STAT1: variants seen among roughly 807,000 people sequenced by gnomAD.
STAT1 encodes the protein signal transducer and activator of transcription 1-alpha/beta.
A neutral mutation model predicts 111.7 loss-of-function variants in STAT1; 24 were observed. That is an observed-to-expected ratio of 0.21 (90% CI 0.16 to 0.30). STAT1 has a LOEUF of 0.30. STAT1 is among the 10% of genes least tolerant of loss of function. The pLI is 1.00. For missense variants in STAT1, 351 were observed against 911.9 expected (o/e 0.38, Z 7.92); for synonymous variants, 332 against 326.5 (o/e 1.02, Z -0.18).
chr2:190,983,385 T>A lies in STAT1; in HGVS notation c.1446+257A>T, dbSNP rs1371601455. 6.6e-6 allele frequency among the ~76,000 whole-genome samples: 1 copy of A among 152,214 alleles called. No homozygotes were observed. The highest frequency in any genetic ancestry group is 1.5e-5 in the Non-Finnish European group (1 of 68,030). ...GCTTGTTTAGTAGATGTATACATTT[T>A]AAAAATAATAACAATAAAGTGGTAT... On this transcript the variant is annotated intron_variant, in intron 17 of 24. Transcript: ENST00000361099. The surrounding 1 kb of genome is among the most constrained non-coding windows in gnomAD (Gnocchi z 5.7).
rs1306340466 is a variant in STAT1 at position 190,986,122 on chromosome 2, T to C, written c.1222-462A>G. ...CAGGCTGGGGCCCTGAGGGCGGCTC[T>C]GAATACCCTCAGGCACCTGAGTTGG... is the stretch of plus-strand genomic sequence containing the variant. On this transcript the variant is annotated intron_variant, in intron 14 of 24. Coordinates refer to ENST00000361099, the MANE Select transcript of STAT1 (RefSeq NM_007315.4). The surrounding 1 kb of genome is among the most constrained non-coding windows in gnomAD (Gnocchi z 5.0). Among the ~76,000 whole-genome samples the C allele has an allele frequency of 6.6e-6, 1 of 152,206 alleles. No individual in the cohort carries two copies. Among genetic ancestry groups the C allele is most frequent in the African/African-American group, 2.4e-5 (1 of 41,448 alleles).
chr2:191,010,344 A>G (rs1225892207), intron 2 of STAT1: 4 of 474,192 alleles, frequency 8.4e-6, no homozygotes, highest in Admixed American at 2.3e-5. Context: ...TCTTCATAGT[A>G]CTTACACCAC....
In STAT1 at chr2:190,975,996, C is replaced by T; in HGVS notation, c.2060-109G>A. 1 of 990,946 alleles carries T rather than the reference C, an allele frequency of 1.0e-6. No individual in the cohort carries two copies. The highest frequency in any genetic ancestry group is 1.6e-6 in the Non-Finnish European group (1 of 636,888). The allele number at this position is 990,946 out of a possible 1,614,324, so 61.4% of individuals were successfully genotyped here. A position where few individuals can be genotyped will look rare whatever the true frequency, so the allele number is the denominator to read the frequency against. Reference sequence around the variant, plus strand: ...TCTACTGTGTTTCTAGACAGCTTAGCCTCCTAAAACTTTAAGGAGCTATAA... The same window carrying T: ...TCTACTGTGTTTCTAGACAGCTTAGTCTCCTAAAACTTTAAGGAGCTATAA... On this transcript the variant is annotated intron_variant, in intron 22 of 24. Transcript: ENST00000361099. This position sits in a 1 kb window ranked among gnomAD's most constrained non-coding sequence, Gnocchi z 5.9.
Position 190,970,861 on chromosome 2 carries a change from C to T in STAT1, c.2239-144G>A, listed in dbSNP as rs866282645. The T allele has an allele frequency of 1.8e-5, 14 of 773,368 alleles. No individual in the cohort carries two copies. In the East Asian group the frequency reaches 3.7e-4, roughly 20 times the overall value. The allele number at this position is 773,368 out of a possible 1,614,324, so 47.9% of individuals were successfully genotyped here. A position where few individuals can be genotyped will look rare whatever the true frequency, so the allele number is the denominator to read the frequency against. On this transcript the variant is annotated intron_variant, in intron 24 of 24. Transcript: ENST00000361099. The surrounding 1 kb of genome is among the most constrained non-coding windows in gnomAD (Gnocchi z 5.4). ...AAATAAATACCGTGGAATAAGAGGG[C>T]CTTCAGCATGTACTATGTATTATCC...
rs964923363 is a variant in STAT1, at chr2:190,975,424, A to T, written c.2135+388T>A. 106 of 722,976 alleles carry T rather than the reference A, an allele frequency of 1.5e-4. No homozygotes were observed. The highest frequency in any genetic ancestry group is 2.2e-4 in the Non-Finnish European group (102 of 453,928). The allele number at this position is 722,976 out of a possible 1,614,324, so 44.8% of individuals were successfully genotyped here. The stretch of plus-strand genomic sequence containing the variant: ...AATAACTGACAATGACATTTCCAAA[A>T]TTTTTTCTACCTTTTATAAAATGAA... On this transcript the variant is annotated intron_variant, in intron 23 of 24. Transcript: ENST00000361099. This position sits in a 1 kb window ranked among gnomAD's most constrained non-coding sequence, Gnocchi z 5.9.
rs946476116 is a variant in STAT1, at chr2:190,986,758, G to A, written c.1221+96C>T. 4.2e-6 allele frequency: 5 copies of A among 1,183,072 alleles called. No individual in the cohort carries two copies. The highest frequency in any genetic ancestry group is 2.6e-4 in the Middle Eastern group (1 of 3,784). The allele number at this position is 1,183,072 out of a possible 1,614,324, so 73.3% of individuals were successfully genotyped here. A position where few individuals can be genotyped will look rare whatever the true frequency, so the allele number is the denominator to read the frequency against. On this transcript the variant is annotated intron_variant, in intron 14 of 24. Coordinates refer to ENST00000361099, the MANE Select transcript of STAT1 (RefSeq NM_007315.4). This position sits in a 1 kb window ranked among gnomAD's most constrained non-coding sequence, Gnocchi z 5.0. ...AAAGTCTACAAACCCCAGCAGGGGG[G>A]CGTCCTCCACATGGCAATGTGCCAA... is the stretch of plus-strand genomic sequence containing the variant.
In STAT1 at chr2:190,986,712, C is replaced by T. The variant is rs41427447; in HGVS notation, c.1221+142G>A. ...GAAACCAAAATGCCCCAAGTACTGG[C>T]GACAGGAAGACACCAGCCACAAAGT... On this transcript the variant is annotated intron_variant, in intron 14 of 24. Transcript: ENST00000361099. This position sits in a 1 kb window ranked among gnomAD's most constrained non-coding sequence, Gnocchi z 5.0. The T allele has an allele frequency of 2.2e-3, 1,799 of 800,146 alleles. 23 individuals carry two copies. The African/African-American group carries it at 0.024, about 11-fold the overall frequency. The allele number at this position is 800,146 out of a possible 1,614,324, so 49.6% of individuals were successfully genotyped here.
In STAT1 at chr2:191,001,080, C is replaced by T. The variant is rs1347679305; in HGVS notation, c.456G>A (p.Lys152=). Residue 152 remains lysine, a synonymous_variant, in exon 6 of 25, where the codon AAG becomes AAA. Transcript: ENST00000361099. ...LDSKVRNVKD[K]VMCIEHEIKS... ...GTGTTTACTCAATACTCACCATAAC[C>T]TTGTCCTTCACATTTCTGACTTTAC... The T allele has an allele frequency of 6.2e-7, 1 of 1,612,384 alleles. No homozygotes were observed. Among genetic ancestry groups the T allele is most frequent in the African/African-American group, 1.3e-5 (1 of 74,904 alleles).
At position 190,969,733 on chromosome 2, in the gene STAT1, T is replaced by C. The variant is rs1200907242; in HGVS notation, c.*970A>G. ...CTGGTGTATTATTCAAGTTGTCAGT[T>C]ACTGCTTTTTCTACTCCTTTCCCAA... On this transcript the variant is annotated 3_prime_UTR_variant, in exon 25 of 25. Transcript: ENST00000361099. The C allele has an allele frequency of 6.6e-6, 1 of 152,236 alleles. No individual in the cohort carries two copies. Among genetic ancestry groups the C allele is most frequent in the Non-Finnish European group, 1.5e-5 (1 of 68,014 alleles). 9.4% of individuals were successfully genotyped at this position (152,236 alleles called of 1,614,324 possible). A position where few individuals can be genotyped will look rare whatever the true frequency, so the allele number is the denominator to read the frequency against.
chr2:190,992,784 G>T, intron 10 of STAT1: 1 of 569,848 alleles, frequency 1.8e-6, no homozygotes, highest in African/African-American at 2.0e-5. Context: ...TACATTCATT[G>T]CATTCTTTCT....
At position 190,995,077 on chromosome 2, in the gene STAT1, G is replaced by C. The variant is rs1265924959; in HGVS notation, c.928C>G (p.Gln310Glu). The C allele has an allele frequency of 6.2e-7, 1 of 1,613,686 alleles. No individual in the cohort carries two copies. The highest frequency in any genetic ancestry group is 1.3e-5 in the African/African-American group (1 of 74,802). The stretch of plus-strand genomic sequence containing the variant: ...TTGAGTTACCTCTGAATGAGCTGCT[G>C]GAAAAGACTGAAGGTGCGGTCCCAT... ...VLWDRTFSLF[Q>E]QLIQSSFVVE... is the part of the protein sequence containing the mutation. The change falls in exon 10 of 25, where the codon CAG (glutamine) becomes GAG (glutamate). Residue 310 changes from glutamine to glutamate, a missense_variant. Gln to Glu is a conservative substitution (Grantham distance 29). Around this residue, in one of 7 missense-constraint regions of STAT1, gnomAD observed 23 missense variants for 123.1 expected, o/e 0.19. Coordinates refer to ENST00000361099, the MANE Select transcript of STAT1 (RefSeq NM_007315.4). This position sits in a 1 kb window ranked among gnomAD's most constrained non-coding sequence, Gnocchi z 4.2.
Position 190,993,141 on chromosome 2 carries a change from C to T in STAT1, c.945-1821G>A. Reference sequence around the variant, plus strand: ...AAAAACAGAATTCCAAGGGAATCAGCAAATTCCTTGGCTGTTGTGTAGTCT... The same window carrying T: ...AAAAACAGAATTCCAAGGGAATCAGTAAATTCCTTGGCTGTTGTGTAGTCT... On this transcript the variant is annotated intron_variant, in intron 10 of 24. Coordinates refer to ENST00000361099, the MANE Select transcript of STAT1 (RefSeq NM_007315.4). This position sits in a 1 kb window ranked among gnomAD's most constrained non-coding sequence, Gnocchi z 4.1. The T allele has an allele frequency of 2.3e-6, 1 of 438,526 alleles. No homozygotes were observed. 27.2% of individuals were successfully genotyped at this position (438,526 alleles called of 1,614,324 possible). A position where few individuals can be genotyped will look rare whatever the true frequency, so the allele number is the denominator to read the frequency against.
Position 190,975,940 on chromosome 2 carries a change from T to C in STAT1, c.2060-53A>G. The C allele has an allele frequency of 6.7e-7, 1 of 1,485,342 alleles. No homozygotes were observed. Among genetic ancestry groups the C allele is most frequent in the Non-Finnish European group, 9.4e-7 (1 of 1,063,948 alleles). The allele number at this position is 1,485,342 out of a possible 1,614,324, so 92.0% of individuals were successfully genotyped here. The stretch of plus-strand genomic sequence containing the variant: ...TCCATCAACCGAAATTCCATCAGAA[T>C]ACAACATCAACTTTTCGGGGGGATT... On this transcript the variant is annotated intron_variant, in intron 22 of 24. Coordinates refer to ENST00000361099, the MANE Select transcript of STAT1 (RefSeq NM_007315.4). This position sits in a 1 kb window ranked among gnomAD's most constrained non-coding sequence, Gnocchi z 5.9.
In STAT1 at chr2:190,998,364, C is replaced by G. The variant is rs2125071002; in HGVS notation, c.542-56G>C. The G allele has an allele frequency of 7.3e-7, 1 of 1,369,598 alleles. No individual in the cohort carries two copies. The highest frequency in any genetic ancestry group is 2.3e-5 in the East Asian group (1 of 43,718). The allele number at this position is 1,369,598 out of a possible 1,614,324, so 84.8% of individuals were successfully genotyped here. A position where few individuals can be genotyped will look rare whatever the true frequency, so the allele number is the denominator to read the frequency against. On this transcript the variant is annotated intron_variant, in intron 7 of 24. Transcript: ENST00000361099. This position sits in a 1 kb window ranked among gnomAD's most constrained non-coding sequence, Gnocchi z 4.1. ...TAAAGAAGACAAAACCAACAAAAGC[C>G]AAGATTCATATAAATTTAGGATAAA...
rs1691400179 is a variant in STAT1 at position 190,970,860 on chromosome 2, G to C, written c.2239-143C>G. The C allele has an allele frequency of 1.3e-6, 1 of 777,972 alleles. No homozygotes were observed. The highest frequency in any genetic ancestry group is 2.2e-6 in the Non-Finnish European group (1 of 455,238). 48.2% of individuals were successfully genotyped at this position (777,972 alleles called of 1,614,324 possible). ...CAAATAAATACCGTGGAATAAGAGG[G>C]CCTTCAGCATGTACTATGTATTATC... On this transcript the variant is annotated intron_variant, in intron 24 of 24. Transcript: ENST00000361099. This position sits in a 1 kb window ranked among gnomAD's most constrained non-coding sequence, Gnocchi z 5.4.
In STAT1 at chr2:191,007,749, A is replaced by G. The variant is rs1694815224; in HGVS notation, c.274-88T>C. 1 of 973,472 alleles carries G rather than the reference A, an allele frequency of 1.0e-6. No homozygotes were observed. The highest frequency in any genetic ancestry group is 1.6e-6 in the Non-Finnish European group (1 of 612,240). 60.3% of individuals were successfully genotyped at this position (973,472 alleles called of 1,614,324 possible). A position where few individuals can be genotyped will look rare whatever the true frequency, so the allele number is the denominator to read the frequency against. On this transcript the variant is annotated intron_variant, in intron 4 of 24. Coordinates refer to ENST00000361099, the MANE Select transcript of STAT1 (RefSeq NM_007315.4). The surrounding 1 kb of genome is among the most constrained non-coding windows in gnomAD (Gnocchi z 4.2). ...TGTAAGTTGATATGAATTTGTTTATATTCTCCGGGAAACCTCATCTCTCAT... is the reference window on the plus strand; with the variant it reads ...TGTAAGTTGATATGAATTTGTTTATGTTCTCCGGGAAACCTCATCTCTCAT...
In STAT1 at chr2:190,975,214, G is replaced by A. The variant is rs1198372530; in HGVS notation, c.2136-282C>T. 1 of 468,464 alleles carries A rather than the reference G, an allele frequency of 2.1e-6. No individual in the cohort carries two copies. The allele number at this position is 468,464 out of a possible 1,614,324, so 29.0% of individuals were successfully genotyped here. ...TCTGCCTGGGTAAGCCTAGGTGTGA[G>A]CATGTGCGGTGCACTACCCTGAGAT... is the stretch of plus-strand genomic sequence containing the variant. On this transcript the variant is annotated intron_variant, in intron 23 of 24. Coordinates refer to ENST00000361099, the MANE Select transcript of STAT1 (RefSeq NM_007315.4). This position sits in a 1 kb window ranked among gnomAD's most constrained non-coding sequence, Gnocchi z 5.9.
Position 190,998,232 on chromosome 2 carries a change from A to G in STAT1, c.618T>C (p.Leu206=), listed in dbSNP as rs746845476. Residue 206 remains leucine, a synonymous_variant, in exon 8 of 25, where the codon CTT becomes CTC. Transcript: ENST00000361099. This position sits in a 1 kb window ranked among gnomAD's most constrained non-coding sequence, Gnocchi z 4.1. ...AAATAACTACCTTTCTCTTATTGTC[A>G]AGCATTAAATACATCTTCTTGAGTA... ...QLLLKKMYLM[L]DNKRKEVVHK... 5.0e-6 allele frequency: 8 copies of G among 1,613,378 alleles called. No individual in the cohort carries two copies. In the African/African-American group the frequency reaches 8.0e-5, roughly 16 times the overall value.
rs1692552215 is a variant in STAT1, at chr2:190,983,551, A to C, written c.1446+91T>G. 1 of 1,129,566 alleles carries C rather than the reference A, an allele frequency of 8.9e-7. No individual in the cohort carries two copies. Among genetic ancestry groups the C allele is most frequent in the African/African-American group, 1.5e-5 (1 of 65,688 alleles). 70.0% of individuals were successfully genotyped at this position (1,129,566 alleles called of 1,614,324 possible). A position where few individuals can be genotyped will look rare whatever the true frequency, so the allele number is the denominator to read the frequency against. On this transcript the variant is annotated intron_variant, in intron 17 of 24. Coordinates refer to ENST00000361099, the MANE Select transcript of STAT1 (RefSeq NM_007315.4). The surrounding 1 kb of genome is among the most constrained non-coding windows in gnomAD (Gnocchi z 5.7). ...GGAGCTTTGTCACTTCTCCCTTAACAACTGGCCATTGGGGCTATTTCAGAG... is the reference window on the plus strand; with the variant it reads ...GGAGCTTTGTCACTTCTCCCTTAACCACTGGCCATTGGGGCTATTTCAGAG...
Sources: allele counts gnomAD v4.1 joint callset (sites outside exome capture counted in the v4.1 genomes callset), GRCh38; gene constraint gnomAD v4.1.1; regional missense constraint gnomAD v4.1.1; non-coding constraint Gnocchi (gnomAD v3.1); transcripts MANE v1.5; gene names NCBI Gene and HGNC (gene_info 2026-07-23, HGNC 2026-07-21).